The following TBC1D5 variants were observed in gnomAD, a reference collection of about 807,000 sequenced individuals.
The protein encoded by TBC1D5 is TBC1 domain family member 5.
In TBC1D5, 75 loss-of-function variants were observed where a neutral mutation model predicts 100.3. That is an observed-to-expected ratio of 0.75 (90% CI 0.62 to 0.91). The LOEUF is 0.91. Among genes scored for constraint, TBC1D5 ranks in the 40% least tolerant of loss-of-function variants. The probability of loss-of-function intolerance (pLI) is 0.00; values close to 1 mark genes in which losing one functional copy is unlikely to be tolerated. For synonymous variants in TBC1D5, 323 were observed against 325.6 expected (o/e 0.99, Z 0.09); for missense variants, 910 against 942.4 (o/e 0.97, Z 0.45).
At chr3:17,416,753 C>T (rs561751321) in intron 4 of TBC1D5, among the ~76,000 whole-genome samples, 1 of 152,162 alleles carries the variant, frequency 6.6e-6, no homozygotes, top group African/African-American at 2.4e-5. Context: ...CTTCCCCTGC[C>T]TCCACCCACA....
chr3:17,262,879 T>C (rs190110442), intron 15 of TBC1D5, among the ~76,000 whole-genome samples: 68 of 152,190 alleles, frequency 4.5e-4, no homozygotes, highest in Admixed American at 1.6e-3. Context: ...TATTAGTCTG[T>C]GTGCAGAGGA....
intron 2 of TBC1D5, among the ~76,000 whole-genome samples, chr3:17,553,861 G>T (rs780362406): frequency 3.9e-5 from 6 of 152,134 alleles, no homozygotes; most frequent in Non-Finnish European, 7.4e-5. Flanking sequence ...TTACAATATT[G>T]TTTACAGAAG....
chr3:17,591,260 A>AAAAAC, intron 2 of TBC1D5, among the ~76,000 whole-genome samples: 1 of 116,982 alleles, frequency 8.5e-6, no homozygotes, highest in Non-Finnish European at 1.8e-5. Context: ...AAAAAAAAAA[A>AAAAAC]AAAAAACAAA....
chr3:17,488,579 T>C (rs1185212112), intron 3 of TBC1D5, among the ~76,000 whole-genome samples: 1 of 152,170 alleles, frequency 6.6e-6, no homozygotes, highest in African/African-American at 2.4e-5. Flanking sequence ...GGCTGTAATA[T>C]TTTGCATTCC....
intron 16 of TBC1D5, among the ~76,000 whole-genome samples, chr3:17,255,072 A>C (rs2077518811): frequency 1.3e-5 from 2 of 152,216 alleles, no homozygotes; most frequent in Admixed American, 1.3e-4. Flanking sequence ...GTAGGCCATG[A>C]ACTGAGTTGA....
chr3:17,601,583 T>C (rs1441139305), intron 2 of TBC1D5, among the ~76,000 whole-genome samples: 1 of 152,214 alleles, frequency 6.6e-6, no homozygotes, highest in Admixed American at 6.5e-5. Flanking sequence ...TTGTGAGCAA[T>C]GCCTAATGAG....
intron 3 of TBC1D5, among the ~76,000 whole-genome samples, chr3:17,449,126 C>T (rs1380092368): frequency 1.3e-5 from 2 of 152,184 alleles, no homozygotes; most frequent in African/African-American, 4.8e-5. Context: ...ACCTGGGAAG[C>T]CCAAGGAGTT....
chr3:17,408,119 GTTAC>G (rs982686445), intron 4 of TBC1D5, among the ~76,000 whole-genome samples: 4 of 151,966 alleles, frequency 2.6e-5, no homozygotes, highest in African/African-American at 9.7e-5. Context: ...CAGCTCACTA[GTTAC>G]TTACTAGATG....
chr3:17,586,054 C>T (rs2096730869), intron 2 of TBC1D5, among the ~76,000 whole-genome samples: 1 of 151,966 alleles, frequency 6.6e-6, no homozygotes, highest in Admixed American at 6.6e-5. Flanking sequence ...GGTGGGAAAC[C>T]ATTTTTAAAA....
At position 17,543,431 on chromosome 3, in the gene TBC1D5, G is replaced by A. The variant is rs577243138; in HGVS notation, c.-35-34826C>T. Among the ~76,000 whole-genome samples the A allele has an allele frequency of 9.2e-5, 14 of 152,184 alleles. No homozygotes were observed. In the South Asian group the frequency reaches 2.1e-3, roughly 23 times the overall value. ...GAGGATTGCTTGAGGTCAGGAGTTC[G>A]AAACCAGCCTGGGTAACATGGTGAG... On this transcript the variant is annotated intron_variant, in intron 2 of 21. Transcript: ENST00000253692.
At chr3:17,674,327 A>G (rs1169757151) in intron 1 of TBC1D5, among the ~76,000 whole-genome samples, 5 of 152,240 alleles carry the variant, frequency 3.3e-5, no homozygotes, top group Admixed American at 6.5e-5. Context: ...TTGTACATGA[A>G]AACAAAAGTT....
chr3:17,374,783 C>A, intron 10 of TBC1D5, 104 bp from the exon 11 acceptor site: 4 of 1,110,410 alleles, frequency 3.6e-6, no homozygotes, highest in South Asian at 1.5e-5. Context: ...AATATGCAAA[C>A]GAAAAAAATT....
At position 17,193,832 on chromosome 3, in the gene TBC1D5, A is replaced by C. The variant is rs549343229; in HGVS notation, c.1753-8624T>G. Among the ~76,000 whole-genome samples the C allele has an allele frequency of 2.6e-5, 4 of 152,350 alleles. No homozygotes were observed. In the East Asian group the frequency reaches 7.7e-4, roughly 29 times the overall value. ...AATAGCTAATACATGTAAAATGCTT[A>C]GAACAGAGGACACACTTACAGAAGG... On this transcript the variant is annotated intron_variant, in intron 18 of 21. Coordinates refer to ENST00000253692, the Ensembl canonical transcript of TBC1D5.
In TBC1D5 at chr3:17,240,489, T is replaced by G. The variant is rs9865716; in HGVS notation, c.1332-2070A>C. Among the ~76,000 whole-genome samples the G allele has an allele frequency of 1.1e-3, 170 of 152,258 alleles. 1 individual carries two copies. The highest frequency in any genetic ancestry group is 3.8e-3 in the African/African-American group (158 of 41,566). On this transcript the variant is annotated intron_variant, in intron 16 of 21. Coordinates refer to ENST00000253692, the Ensembl canonical transcript of TBC1D5. ...ATTTTTTAGGTGCTTCCTAGTGAAG[T>G]AGAGCATTCTTAATTTACATTTACT... is the stretch of plus-strand genomic sequence containing the variant.
At chr3:17,722,801 G>T (rs143617233) in intron 1 of TBC1D5, among the ~76,000 whole-genome samples, 1 of 152,154 alleles carries the variant, frequency 6.6e-6, no homozygotes, top group Non-Finnish European at 1.5e-5. Context: ...TTAACTTTAA[G>T]GTCTGTTTGC....
At chr3:17,488,065 G>A (rs1310634380) in intron 3 of TBC1D5, among the ~76,000 whole-genome samples, 2 of 152,058 alleles carry the variant, frequency 1.3e-5, no homozygotes, top group Non-Finnish European at 2.9e-5. Flanking sequence ...ATAATGACAT[G>A]TGCCCACATT....
exon 22 of TBC1D5, chr3:17,157,194 A>C (rs1056788411): frequency 3.9e-5 from 6 of 152,230 alleles, no homozygotes; most frequent in Non-Finnish European, 7.3e-5. Context: ...TATTATAACC[A>C]TATTGAATGG....
intron 17 of TBC1D5, among the ~76,000 whole-genome samples, chr3:17,236,976 T>C (rs534804684): frequency 2.6e-5 from 4 of 152,316 alleles, no homozygotes; most frequent in African/African-American, 7.2e-5. Flanking sequence ...ATTTGTATCA[T>C]TGGGAAAGAA....
chr3:17,428,578 AAAC>A, intron 3 of TBC1D5, 59 bp from the exon 4 acceptor site: 1 of 898,486 alleles, frequency 1.1e-6, no homozygotes, highest in Non-Finnish European at 1.6e-6. Context: ...TTCAGTTGAA[AAAC>A]TGTGTGAAAG....
Sources: gnomAD v4.1 joint callset for allele counts (sites outside exome capture counted in the v4.1 genomes callset) on GRCh38, gnomAD v4.1.1 for gene constraint, MANE v1.5 for transcripts, NCBI Gene and HGNC (gene_info 2026-07-23, HGNC 2026-07-21) for gene names.